STAU2: variants seen among roughly 807,000 people sequenced by gnomAD.
STAU2 encodes staufen double-stranded RNA binding protein 2, also known as double-stranded RNA-binding protein Staufen homolog 2.
STAU2 carries 20 observed loss-of-function variants against 65.9 expected under a neutral mutation model. That is an observed-to-expected ratio of 0.30 (90% CI 0.21 to 0.44). The LOEUF is 0.44. Ranked by LOEUF, STAU2 falls within the 20% of genes least tolerant of loss-of-function variation. The pLI is 1.00. For missense variants in STAU2, 558 were observed against 683.9 expected, an observed-to-expected ratio of 0.82 and a Z score of 2.05; for synonymous variants, 232 against 233.9, an observed-to-expected ratio of 0.99 and a Z score of 0.07.
intron 13 of STAU2, among the ~76,000 whole-genome samples, chr8:73,541,140 T>C (rs2128937654): frequency 6.6e-6 from 1 of 152,302 alleles, no homozygotes; most frequent in South Asian, 2.1e-4. Flanking sequence ...CTAATCTGAA[T>C]GCAGCTCAAA....
intron 7 of STAU2, 96 bp downstream of exon 7, chr8:73,617,195 CT>C: frequency 7.1e-7 from 1 of 1,411,488 alleles, no homozygotes; most frequent in Non-Finnish European, 9.5e-7. Flanking sequence ...GTATTCTTCC[CT>C]ATCAGAACAG....
At chr8:73,685,658 G>A (rs1818752422) in intron 5 of STAU2, among the ~76,000 whole-genome samples, 1 of 152,126 alleles carries the variant, frequency 6.6e-6, no homozygotes, top group Non-Finnish European at 1.5e-5. Flanking sequence ...TTACAGGCAT[G>A]AGCCACTGCG....
At chr8:73,692,476 G>A (rs1364410968) in intron 4 of STAU2, among the ~76,000 whole-genome samples, 3 of 152,094 alleles carry the variant, frequency 2.0e-5, no homozygotes, top group South Asian at 2.1e-4. Context: ...GATTACAGGC[G>A]TGAGCCACCA....
At chr8:73,694,104 C>T (rs1027558392) in intron 4 of STAU2, among the ~76,000 whole-genome samples, 2 of 152,066 alleles carry the variant, frequency 1.3e-5, no homozygotes, top group Non-Finnish European at 2.9e-5. Context: ...CCAGTGGTAA[C>T]GAAGGTCATT....
chr8:73,498,186 C>T (rs747403056), intron 13 of STAU2, among the ~76,000 whole-genome samples: 29 of 151,802 alleles, frequency 1.9e-4, no homozygotes, highest in Non-Finnish European at 3.2e-4. Flanking sequence ...AACATTATTG[C>T]TATGCTGTAG....
chr8:73,544,394 T>C (rs1470921136), intron 13 of STAU2, among the ~76,000 whole-genome samples: 1 of 152,230 alleles, frequency 6.6e-6, no homozygotes, highest in Non-Finnish European at 1.5e-5. Context: ...TAACCAATCA[T>C]GTCACATCTC....
At chr8:73,650,949 A>C (rs1815817614) in intron 6 of STAU2, among the ~76,000 whole-genome samples, 1 of 152,232 alleles carries the variant, frequency 6.6e-6, no homozygotes, top group Non-Finnish European at 1.5e-5. Flanking sequence ...CAAGTCGATA[A>C]AGGAACATCT....
At chr8:73,662,478 G>A (rs1344248824) in intron 6 of STAU2, among the ~76,000 whole-genome samples, 1 of 152,050 alleles carries the variant, frequency 6.6e-6, no homozygotes, top group Non-Finnish European at 1.5e-5. Flanking sequence ...AGAAATCTTT[G>A]TCTATTTCCA....
At chr8:73,425,116 C>A (rs1333911552) in intron 13 of STAU2, among the ~76,000 whole-genome samples, 3 of 152,120 alleles carry the variant, frequency 2.0e-5, no homozygotes, top group Non-Finnish European at 4.4e-5. Context: ...TGTTATAGGT[C>A]GAATTGTGCT....
intron 13 of STAU2, among the ~76,000 whole-genome samples, chr8:73,459,231 C>T (rs2891351): frequency 0.46 from 69,876 of 151,858 alleles, 16,441 homozygotes; most frequent in Admixed American, 0.57. Flanking sequence ...AAGGGTGCTC[C>T]TACTTTGAGA....
intron 13 of STAU2, among the ~76,000 whole-genome samples, chr8:73,496,094 T>C (rs1036265620): frequency 6.6e-6 from 1 of 151,494 alleles, no homozygotes; most frequent in African/African-American, 2.4e-5. Flanking sequence ...CCCACTTAAA[T>C]AGAGAGATGA....
At chr8:73,641,407 ACT>A (rs976098289) in intron 6 of STAU2, among the ~76,000 whole-genome samples, 12 of 152,302 alleles carry the variant, frequency 7.9e-5, no homozygotes, top group African/African-American at 2.9e-4. Context: ...CATAGTTAAC[ACT>A]GTTTCATATG....
chr8:73,711,132 A>AAG (rs1491124313), intron 3 of STAU2, among the ~76,000 whole-genome samples: 3 of 56,838 alleles, frequency 5.3e-5, no homozygotes, highest in African/African-American at 2.8e-4. Flanking sequence ...AGTGGCTTGC[A>AAG]AAAAAAAAAA....
intron 6 of STAU2, among the ~76,000 whole-genome samples, chr8:73,663,747 T>C (rs1045185045): frequency 6.6e-6 from 1 of 152,178 alleles, no homozygotes; most frequent in South Asian, 2.1e-4. Flanking sequence ...CAGTATTTTA[T>C]AGCCTTCATT....
At chr8:73,541,239 AAAG>A (rs759141866) in intron 13 of STAU2, among the ~76,000 whole-genome samples, 4 of 149,648 alleles carry the variant, frequency 2.7e-5, no homozygotes, top group Non-Finnish European at 4.4e-5. Context: ...GAAATGCCAG[AAAG>A]AAGAAAAGGC....
chr8:73,672,900 G>GAA (rs1817784595), intron 6 of STAU2: 9 of 247,048 alleles, frequency 3.6e-5, no homozygotes, highest in Non-Finnish European at 4.2e-5. Flanking sequence ...GTGGGGTAGG[G>GAA]GAAAAAAAAA....
In STAU2 at chr8:73,622,134, T is replaced by A. The variant is rs1290420846; in HGVS notation, c.411-4683A>T. Among the ~76,000 whole-genome samples, 4 of 61,050 alleles carry A rather than the reference T, an allele frequency of 6.6e-5. 1 individual carries two copies. The highest frequency in any genetic ancestry group is 3.9e-4 in the African/African-American group (4 of 10,158). 40.1% of individuals were successfully genotyped at this position (61,050 alleles called of 152,430 possible). A position where few individuals can be genotyped will look rare whatever the true frequency, so the allele number is the denominator to read the frequency against. ...ACCATGCCCAGCTAATTTTTTTTTT[T>A]TTTTTTTTTTTGAGACGGAGTCTCG... On this transcript the variant is annotated intron_variant, in intron 6 of 14. Transcript: ENST00000524300.
Position 73,739,815 on chromosome 8 carries a change from T to C in STAU2, c.-143A>G. On this transcript the variant is annotated 5_prime_UTR_variant, in exon 2 of 15. Transcript: ENST00000524300. ...TTTGAGTTCTTCTTTTTCTGTCTTC[T>C]TTTTTTTCTTCAATCTTTAAAAAGT... is the stretch of plus-strand genomic sequence containing the variant. The C allele has an allele frequency of 6.6e-7, 1 of 1,506,182 alleles. No homozygotes were observed. Among genetic ancestry groups the C allele is most frequent in the Non-Finnish European group, 8.9e-7 (1 of 1,122,980 alleles). 93.3% of individuals were successfully genotyped at this position (1,506,182 alleles called of 1,614,324 possible). A position where few individuals can be genotyped will look rare whatever the true frequency, so the allele number is the denominator to read the frequency against.
At chr8:73,564,943 T>C (rs962536414) in intron 12 of STAU2, among the ~76,000 whole-genome samples, 2 of 152,176 alleles carry the variant, frequency 1.3e-5, no homozygotes, top group Middle Eastern at 3.2e-3. Flanking sequence ...CGTGTGCACA[T>C]GTGTCCTGGA....
Sources: gnomAD v4.1 joint callset for allele counts (sites outside exome capture counted in the v4.1 genomes callset) on GRCh38, gnomAD v4.1.1 for gene constraint, MANE v1.5 for transcripts, NCBI Gene and HGNC (gene_info 2026-07-23, HGNC 2026-07-21) for gene names.